The following WDR41 variants were observed in gnomAD, a reference collection of about 807,000 sequenced individuals.
The protein encoded by WDR41 is WD repeat domain 41, also known as WD repeat-containing protein 41.
Under a neutral mutation model 69.3 loss-of-function variants are expected in WDR41, and 63 were observed. That is an observed-to-expected ratio of 0.91 (90% CI 0.74 to 1.12). The LOEUF (loss-of-function observed/expected upper bound fraction) is 1.12, where lower values mean the gene tolerates loss of function less well. Among genes scored for constraint, WDR41 ranks in the 50% most tolerant of loss-of-function variants. WDR41 has a pLI of 0.00. For missense variants in WDR41, 543 were observed against 534.5 expected, an observed-to-expected ratio of 1.02 and a Z score of -0.16; for synonymous variants, 185 against 192.1, an observed-to-expected ratio of 0.96 and a Z score of 0.31.
intron 1 of WDR41, among the ~76,000 whole-genome samples, chr5:77,561,317 C>T (rs891679218): frequency 1.3e-5 from 2 of 152,064 alleles, no homozygotes; most frequent in African/African-American, 4.8e-5. Flanking sequence ...AGGAATTTTC[C>T]AAGTTAATTT....
intron 1 of WDR41, chr5:77,620,414 G>C: frequency 2.2e-6 from 1 of 455,378 alleles, no homozygotes; most frequent in Non-Finnish European, 4.4e-6. Flanking sequence ...GAAAGATAAG[G>C]TCCTATGACC....
chr5:77,576,449 T>G (rs1426316643), intron 1 of WDR41, among the ~76,000 whole-genome samples: 1 of 152,178 alleles, frequency 6.6e-6, no homozygotes. Flanking sequence ...TTCTAGCCCC[T>G]AACACTGACC....
intron 2 of WDR41, among the ~76,000 whole-genome samples, chr5:77,479,781 A>G (rs1380882654): frequency 1.3e-5 from 2 of 152,308 alleles, no homozygotes; most frequent in East Asian, 3.9e-4. Context: ...TTCATGTCTA[A>G]AACACCAAAA....
intron 1 of WDR41, among the ~76,000 whole-genome samples, chr5:77,540,293 C>T (rs1186988146): frequency 6.6e-6 from 1 of 152,172 alleles, no homozygotes. Context: ...CTGGTCTTGT[C>T]TCAAGCTGCC....
At chr5:77,558,094 T>TTTAAAAAAAAA (rs1554036365) in intron 1 of WDR41, among the ~76,000 whole-genome samples, 87 of 104,262 alleles carry the variant, frequency 8.3e-4, no homozygotes, top group Non-Finnish European at 1.4e-3. Context: ...ATGTTCTTTT[T>TTTAAAAAAAAA]AAAAAAAAAA....
At chr5:77,552,473 T>C (rs1743317119) in intron 1 of WDR41, among the ~76,000 whole-genome samples, 1 of 152,200 alleles carries the variant, frequency 6.6e-6, no homozygotes, top group African/African-American at 2.4e-5. Flanking sequence ...CCCAAATTGG[T>C]CTATAGTTTA....
rs574785165 is a variant in WDR41, at chr5:77,492,302, G to A, written c.-82C>T. 7 of 1,572,700 alleles carry A rather than the reference G, an allele frequency of 4.5e-6. No individual in the cohort carries two copies. Among genetic ancestry groups the A allele is most frequent in the Middle Eastern group, 1.7e-4 (1 of 5,962 alleles). ...AGGCTCGGCCTCCTCCTTCCTCCCC[G>A]GCTGCAGCGCAACTGAGACGCTAAT... On this transcript the variant is annotated 5_prime_UTR_variant, in exon 1 of 13. Transcript: ENST00000296679.
intron 1 of WDR41, among the ~76,000 whole-genome samples, chr5:77,536,404 T>C (rs1241836191): frequency 6.7e-6 from 1 of 150,076 alleles, no homozygotes; most frequent in Non-Finnish European, 1.5e-5. Context: ...AGCAAAGTGT[T>C]AAAAAAAAAG....
intron 8 of WDR41, among the ~76,000 whole-genome samples, chr5:77,446,892 G>A (rs976350792): frequency 2.8e-4 from 42 of 152,266 alleles, no homozygotes; most frequent in Middle Eastern, 3.4e-3. Flanking sequence ...GATGCCAAAA[G>A]CAACTGCAAC....
chr5:77,541,263 AG>A (rs1301774037), intron 1 of WDR41, among the ~76,000 whole-genome samples: 1 of 152,164 alleles, frequency 6.6e-6, no homozygotes, highest in Non-Finnish European at 1.5e-5. Flanking sequence ...ACAAGAAAAA[AG>A]CAAACAACCC....
At chr5:77,596,552 G>A (rs1342165567) in intron 1 of WDR41, among the ~76,000 whole-genome samples, 2 of 151,908 alleles carry the variant, frequency 1.3e-5, no homozygotes, top group East Asian at 1.9e-4. Flanking sequence ...AAATTGAAAT[G>A]GAGTCTTGCT....
Position 77,490,976 on chromosome 5 carries a change from A to G in WDR41, c.51+1194T>C, listed in dbSNP as rs368763102. ...TTAACAATCTAAACAAATACTTCTT[A>G]TGAGAAATAAAATGCAATTCACAAA... On this transcript the variant is annotated intron_variant, in intron 1 of 12. Transcript: ENST00000296679. Among the ~76,000 whole-genome samples the G allele has an allele frequency of 3.9e-4, 60 of 152,366 alleles. No homozygotes were observed. In the South Asian group the frequency reaches 6.6e-3, roughly 17 times the overall value.
In WDR41 at chr5:77,539,673, G is replaced by A. The variant is rs1310468505; in HGVS notation, c.43-50101C>T. Reference sequence around the variant, plus strand: ...TAATCTCTCTAAGCCTCTGTTTCCTGTAAAATGAGGATAACAAATAGTACC... The same window carrying A: ...TAATCTCTCTAAGCCTCTGTTTCCTATAAAATGAGGATAACAAATAGTACC... On this transcript the variant is annotated intron_variant, in intron 1 of 5. Transcript: ENST00000509971. Among the ~76,000 whole-genome samples the A allele has an allele frequency of 2.0e-5, 3 of 152,294 alleles. No homozygotes were observed. In the East Asian group the frequency reaches 5.8e-4, roughly 29 times the overall value.
chr5:77,464,612 A>G lies in WDR41; in HGVS notation c.216+149T>C, dbSNP rs982098732. ...TATGAAATACTGGTCCCCACTGTAT[A>G]TGGATTTATCCTAATTAGCTCTTTT... is the stretch of plus-strand genomic sequence containing the variant. On this transcript the variant is annotated intron_variant, in intron 3 of 12. Coordinates refer to ENST00000296679, the MANE Select transcript of WDR41 (RefSeq NM_018268.4). 89 of 788,680 alleles carry G rather than the reference A, an allele frequency of 1.1e-4. No homozygotes were observed. In the African/African-American group the frequency reaches 1.5e-3, roughly 13 times the overall value. The allele number at this position is 788,680 out of a possible 1,614,324, so 48.9% of individuals were successfully genotyped here. A position where few individuals can be genotyped will look rare whatever the true frequency, so the allele number is the denominator to read the frequency against.
chr5:77,472,927 G>T (rs530604332), intron 2 of WDR41, among the ~76,000 whole-genome samples: 1 of 152,020 alleles, frequency 6.6e-6, no homozygotes, highest in East Asian at 1.9e-4. Context: ...CTACTTTCAC[G>T]TTCATATGGA....
At chr5:77,464,700 A>C (rs763602050) in intron 3 of WDR41, 61 bp downstream of exon 3, 92 of 1,518,512 alleles carry the variant, frequency 6.1e-5, no homozygotes, top group Non-Finnish European at 8.3e-5. Flanking sequence ...ATTTATATGA[A>C]TACATACTCA....
At chr5:77,574,816 A>G (rs1470203325) in intron 1 of WDR41, among the ~76,000 whole-genome samples, 1 of 152,186 alleles carries the variant, frequency 6.6e-6, no homozygotes, top group Non-Finnish European at 1.5e-5. Context: ...TCCATGCATA[A>G]TACATTCCTG....
rs188906221 is a variant in WDR41 at position 77,445,960 on chromosome 5, A to C, written c.697+3800T>G. 1.9e-4 allele frequency among the ~76,000 whole-genome samples: 29 copies of C among 152,278 alleles called. No individual in the cohort carries two copies. In the East Asian group the frequency reaches 4.6e-3, roughly 24 times the overall value. On this transcript the variant is annotated intron_variant, in intron 8 of 12. Coordinates refer to ENST00000296679, the MANE Select transcript of WDR41 (RefSeq NM_018268.4). ...AAGAGAAAGAAATAAAGGGTATTCA[A>C]ATAGGAAGAGAGGAAGTCAAATTGT...
At chr5:77,517,934 T>G (rs1036733249) in intron 1 of WDR41, among the ~76,000 whole-genome samples, 3 of 152,144 alleles carry the variant, frequency 2.0e-5, no homozygotes, top group African/African-American at 7.2e-5. Context: ...ATACCATCAT[T>G]TGACAACACA....
Sources: gnomAD v4.1 joint callset for allele counts (sites outside exome capture counted in the v4.1 genomes callset) on GRCh38, gnomAD v4.1.1 for gene constraint, MANE v1.5 for transcripts, NCBI Gene and HGNC (gene_info 2026-07-23, HGNC 2026-07-21) for gene names.